The following WDPCP variants were observed in gnomAD, a reference collection of about 807,000 sequenced individuals.
WDPCP encodes WD repeat containing planar cell polarity effector.
Under a neutral mutation model 93.1 loss-of-function variants are expected in WDPCP, and 71 were observed. The ratio of observed to expected loss-of-function variants is 0.76; its 90% confidence interval spans 0.63 to 0.93. The LOEUF is 0.93. Ranked by LOEUF, WDPCP falls within the 40% of genes least tolerant of loss-of-function variation. WDPCP has a pLI of 0.00. For missense variants in WDPCP, 844 were observed against 887.4 expected, an observed-to-expected ratio of 0.95 and a Z score of 0.62; for synonymous variants, 315 against 315.0, an observed-to-expected ratio of 1.00 and a Z score of 0.00.
chr2:63,137,548 A>G (rs1670715435), intron 17 of WDPCP, among the ~76,000 whole-genome samples: 1 of 151,818 alleles, frequency 6.6e-6, no homozygotes, highest in South Asian at 2.1e-4. Context: ...GAAGCTCTTT[A>G]GTTTAGTTTA....
At chr2:63,682,316 T>C (rs565514774) in intron 2 of WDPCP, among the ~76,000 whole-genome samples, 7 of 152,308 alleles carry the variant, frequency 4.6e-5, no homozygotes, top group Admixed American at 3.9e-4. Context: ...CATAATTCTG[T>C]CAGGTAAATT....
At chr2:63,460,869 A>G (rs977577639) in intron 6 of WDPCP, among the ~76,000 whole-genome samples, 1 of 151,086 alleles carries the variant, frequency 6.6e-6, no homozygotes, top group Non-Finnish European at 1.5e-5. Flanking sequence ...CTCGTGATTC[A>G]CCCACCTCAG....
chr2:63,653,660 C>G (rs1163092624), intron 2 of WDPCP, among the ~76,000 whole-genome samples: 1 of 152,148 alleles, frequency 6.6e-6, no homozygotes, highest in Non-Finnish European at 1.5e-5. Context: ...CCTGTAATCC[C>G]AGCACTTTGG....
chr2:63,427,858 A>T (rs1363741389), intron 9 of WDPCP, among the ~76,000 whole-genome samples: 1 of 152,156 alleles, frequency 6.6e-6, no homozygotes, highest in Non-Finnish European at 1.5e-5. Flanking sequence ...AAGAAAGAAG[A>T]TCCAAATAAG....
intron 6 of WDPCP, among the ~76,000 whole-genome samples, chr2:63,477,375 T>A (rs1398367215): frequency 6.6e-6 from 1 of 152,146 alleles, no homozygotes. Flanking sequence ...AAACTAAAAC[T>A]ATATATCTCA....
chr2:63,587,336 A>G (rs925474048), intron 1 of WDPCP, among the ~76,000 whole-genome samples: 1 of 152,238 alleles, frequency 6.6e-6, no homozygotes, highest in South Asian at 2.1e-4. Context: ...ACTGAGAACC[A>G]GTAACAAAAG....
intron 2 of WDPCP, among the ~76,000 whole-genome samples, chr2:63,806,080 C>T (rs940601665): frequency 2.6e-5 from 4 of 152,136 alleles, no homozygotes; most frequent in Non-Finnish European, 5.9e-5. Flanking sequence ...CGCCACTGCA[C>T]TCCAGCCTGG....
intron 1 of WDPCP, among the ~76,000 whole-genome samples, chr2:63,493,781 A>C (rs567854456): frequency 1.1e-4 from 16 of 152,270 alleles, no homozygotes; most frequent in African/African-American, 3.4e-4. Flanking sequence ...ACATAGTACT[A>C]TACTGTATTT....
At chr2:63,470,833 A>G (rs907560119) in intron 6 of WDPCP, among the ~76,000 whole-genome samples, 2 of 152,032 alleles carry the variant, frequency 1.3e-5, no homozygotes, top group Non-Finnish European at 2.9e-5. Context: ...CACCCCACTC[A>G]TATCAACTCC....
chr2:63,479,912 A>T (rs1454166681), intron 6 of WDPCP, among the ~76,000 whole-genome samples: 5 of 152,156 alleles, frequency 3.3e-5, no homozygotes, highest in Non-Finnish European at 7.4e-5. Context: ...AATCAAGGGC[A>T]TCCAAATGGG....
intron 3 of WDPCP, among the ~76,000 whole-genome samples, chr2:63,606,683 T>C (rs1276784408): frequency 6.6e-6 from 1 of 152,036 alleles, no homozygotes; most frequent in African/African-American, 2.4e-5. Context: ...ATTCAAGGGG[T>C]TTAAAATTCA....
intron 3 of WDPCP, among the ~76,000 whole-genome samples, chr2:63,615,456 A>G (rs1709662563): frequency 6.6e-6 from 1 of 152,180 alleles, no homozygotes; most frequent in African/African-American, 2.4e-5. Context: ...CGTCTGCATA[A>G]TAAAAGGTAG....
chr2:63,158,023 A>AT (rs76902515), intron 15 of WDPCP, among the ~76,000 whole-genome samples: 3,186 of 148,218 alleles, frequency 0.021, 116 homozygotes, highest in African/African-American at 0.075. Flanking sequence ...TTAAGCTGTG[A>AT]TTTTTTTTTT....
chr2:63,454,421 G>A (rs1403429571), intron 6 of WDPCP, among the ~76,000 whole-genome samples: 1 of 151,694 alleles, frequency 6.6e-6, no homozygotes, highest in East Asian at 1.9e-4. Context: ...GTTGATGGGT[G>A]CAGCAAACCA....
intron 14 of WDPCP, among the ~76,000 whole-genome samples, chr2:63,234,185 C>G (rs1374674826): frequency 6.6e-6 from 1 of 152,102 alleles, no homozygotes; most frequent in Non-Finnish European, 1.5e-5. Flanking sequence ...AGTTCTTGCA[C>G]CAATCAGTAT....
At chr2:63,621,810 A>G (rs917228683) in intron 3 of WDPCP, among the ~76,000 whole-genome samples, 1 of 152,208 alleles carries the variant, frequency 6.6e-6, no homozygotes, top group African/African-American at 2.4e-5. Flanking sequence ...AGCCCATCAG[A>G]CTACCAGTGG....
At chr2:63,172,640 T>A (rs1673481127) in intron 15 of WDPCP, among the ~76,000 whole-genome samples, 1 of 152,092 alleles carries the variant, frequency 6.6e-6, no homozygotes, top group Non-Finnish European at 1.5e-5. Flanking sequence ...AAAATGAAAC[T>A]ACATGACAAT....
intron 15 of WDPCP, among the ~76,000 whole-genome samples, chr2:63,173,254 G>A (rs1673537532): frequency 6.9e-6 from 1 of 144,214 alleles, no homozygotes. Flanking sequence ...GGCAACTAGA[G>A]CGAAACTCTG....
intron 14 of WDPCP, among the ~76,000 whole-genome samples, chr2:63,205,057 A>G (rs1676226351): frequency 6.6e-6 from 1 of 152,164 alleles, no homozygotes; most frequent in African/African-American, 2.4e-5. Flanking sequence ...ATTCTTCTAC[A>G]TATGGATATC....
Sources: gnomAD v4.1 joint callset for allele counts (sites outside exome capture counted in the v4.1 genomes callset) on GRCh38, gnomAD v4.1.1 for gene constraint, MANE v1.5 for transcripts, NCBI Gene and HGNC (gene_info 2026-07-23, HGNC 2026-07-21) for gene names.